Variants in GINS3 observed in about 807,000 individuals in gnomAD.
The protein encoded by GINS3 is GINS complex subunit 3.
A neutral mutation model predicts 20.0 loss-of-function variants in GINS3; 18 were observed. The observed-to-expected ratio is 0.90, with a 90% CI of 0.62 to 1.33. The LOEUF is 1.33. GINS3 is among the 40% of genes most tolerant of loss of function. GINS3 has a pLI of 0.00. For missense variants in GINS3, 254 were observed against 273.6 expected (o/e 0.93, Z 0.51); for synonymous variants, 109 against 107.0 (o/e 1.02, Z -0.12).
chr16:58,397,914 T>C (rs1460773009), intron 1 of GINS3, among the ~76,000 whole-genome samples: 2 of 152,188 alleles, frequency 1.3e-5, no homozygotes. Flanking sequence ...ATCTTTTTAA[T>C]GTCAGTAGGA....
intron 1 of GINS3, among the ~76,000 whole-genome samples, chr16:58,401,011 C>A (rs1965946914): frequency 6.6e-6 from 1 of 151,950 alleles, no homozygotes; most frequent in Non-Finnish European, 1.5e-5. Flanking sequence ...AACGGGGTTT[C>A]ACCATGTTGG....
chr16:58,405,040 C>G lies in GINS3; in HGVS notation c.*311C>G, dbSNP rs1479182408. 1 of 281,414 alleles carries G rather than the reference C, an allele frequency of 3.6e-6. No individual in the cohort carries two copies. The highest frequency in any genetic ancestry group is 2.2e-5 in the African/African-American group (1 of 45,986). The allele number at this position is 281,414 out of a possible 1,614,324, so 17.4% of individuals were successfully genotyped here. A position where few individuals can be genotyped will look rare whatever the true frequency, so the allele number is the denominator to read the frequency against. On this transcript the variant is annotated 3_prime_UTR_variant, in exon 3 of 3. Transcript: ENST00000318129. ...CATATAATATATCACAGTAGAGTTG[C>G]AACTGAGATTCCTTGTGTCTGGGAG...
chr16:58,399,117 C>T (rs1392613445), intron 1 of GINS3, among the ~76,000 whole-genome samples: 1 of 151,660 alleles, frequency 6.6e-6, no homozygotes, highest in Non-Finnish European at 1.5e-5. Context: ...AGTTTGAGAT[C>T]AGCCTAAGCA....
intron 1 of GINS3, among the ~76,000 whole-genome samples, chr16:58,394,180 A>G (rs898343673): frequency 6.6e-6 from 1 of 151,970 alleles, no homozygotes; most frequent in Non-Finnish European, 1.5e-5. Context: ...AGGATACCAC[A>G]CTGCATTTAG....
chr16:58,403,385 A>T, intron 2 of GINS3, 54 bp downstream of exon 2: 1 of 1,370,936 alleles, frequency 7.3e-7, no homozygotes, highest in African/African-American at 1.4e-5. Context: ...AGAGCCAGCC[A>T]CAGATACTAC....
At chr16:58,400,232 G>A (rs1397908312) in intron 1 of GINS3, among the ~76,000 whole-genome samples, 1 of 152,204 alleles carries the variant, frequency 6.6e-6, no homozygotes, top group African/African-American at 2.4e-5. Context: ...AATTAGCAGA[G>A]GGAAAGGTTG....
chr16:58,396,672 C>T (rs1354882475), intron 1 of GINS3, among the ~76,000 whole-genome samples: 7 of 118,862 alleles, frequency 5.9e-5, no homozygotes, highest in Admixed American at 1.5e-4. Context: ...GGGCTGACCC[C>T]CCGACCTCCC....
chr16:58,404,117 T>G (rs775884077), intron 2 of GINS3: 7 of 192,088 alleles, frequency 3.6e-5, no homozygotes, highest in Non-Finnish European at 6.5e-5. Context: ...TTTTTCATAA[T>G]TACTTTTTTA....
At chr16:58,396,258 G>T (rs1251606065) in intron 1 of GINS3, among the ~76,000 whole-genome samples, 31 of 126,718 alleles carry the variant, frequency 2.4e-4, no homozygotes, top group Admixed American at 3.0e-4. Context: ...CTGGCCGGGT[G>T]GGGGGCTGAC....
intron 1 of GINS3, among the ~76,000 whole-genome samples, chr16:58,396,372 C>A (rs1252278775): frequency 8.3e-5 from 10 of 120,692 alleles, no homozygotes; most frequent in African/African-American, 2.8e-4. Flanking sequence ...CCGGATGGGG[C>A]GGCTGGCCGG....
intron 1 of GINS3, among the ~76,000 whole-genome samples, chr16:58,402,288 G>A (rs749987287): frequency 4.6e-5 from 7 of 151,986 alleles, no homozygotes; most frequent in Non-Finnish European, 8.8e-5. Context: ...TCTGCTATTC[G>A]GTGTCAAATA....
rs1966020853 is a variant in GINS3, at chr16:58,405,456, C to G, written c.*727C>G. ...ATTGCCTCGGAGAGCCTAAGAGCAC[C>G]CGCACACTTAATTCTACTCCCTGTC... On this transcript the variant is annotated 3_prime_UTR_variant, in exon 3 of 3. Coordinates refer to ENST00000318129, the MANE Select transcript of GINS3 (RefSeq NM_022770.4). 6.6e-6 allele frequency: 1 copy of G among 152,192 alleles called. No homozygotes were observed. The highest frequency in any genetic ancestry group is 2.4e-5 in the African/African-American group (1 of 41,424). 9.4% of individuals were successfully genotyped at this position (152,192 alleles called of 1,614,324 possible). A position where few individuals can be genotyped will look rare whatever the true frequency, so the allele number is the denominator to read the frequency against.
At chr16:58,395,331 A>G (rs1446829100) in intron 1 of GINS3, 2 of 173,026 alleles carry the variant, frequency 1.2e-5, no homozygotes, top group African/African-American at 6.5e-5. Flanking sequence ...GTATATATAT[A>G]TATATATTTT....
At chr16:58,402,571 G>C (rs1022701503) in intron 1 of GINS3, among the ~76,000 whole-genome samples, 1 of 152,016 alleles carries the variant, frequency 6.6e-6, no homozygotes, top group Non-Finnish European at 1.5e-5. Flanking sequence ...ACCTCATCTT[G>C]TTTTCTAATT....
chr16:58,400,342 C>G (rs1488209736), intron 1 of GINS3, among the ~76,000 whole-genome samples: 1 of 152,210 alleles, frequency 6.6e-6, no homozygotes, highest in African/African-American at 2.4e-5. Context: ...AATTTGAATT[C>G]TGATAAAATG....
chr16:58,395,095 G>C (rs998034281), intron 1 of GINS3: 7 of 290,170 alleles, frequency 2.4e-5, no homozygotes, highest in Admixed American at 7.4e-5. Flanking sequence ...TTTTTTTTTT[G>C]AGACAGGGTT....
rs959734097 is a variant in GINS3, at chr16:58,405,937, T to A, written c.*1208T>A. The stretch of plus-strand genomic sequence containing the variant: ...AAACTTAGGCTGTCTTGATGCAAAC[T>A]TAGAACCACAGAAATGCTTTTAAAA... On this transcript the variant is annotated 3_prime_UTR_variant, in exon 3 of 3. Coordinates refer to ENST00000318129, the MANE Select transcript of GINS3 (RefSeq NM_022770.4). The A allele has an allele frequency of 1.3e-5, 2 of 152,210 alleles. No individual in the cohort carries two copies. Among genetic ancestry groups the A allele is most frequent in the African/African-American group, 4.8e-5 (2 of 41,446 alleles). The allele number at this position is 152,210 out of a possible 1,614,324, so 9.4% of individuals were successfully genotyped here.
intron 1 of GINS3, among the ~76,000 whole-genome samples, chr16:58,395,557 ATC>A (rs1335972521): frequency 6.6e-6 from 1 of 152,060 alleles, no homozygotes; most frequent in Non-Finnish European, 1.5e-5. Context: ...GCCTTCAAGC[ATC>A]TGTTTAACAA....
chr16:58,396,169 GC>G (rs1965853886), intron 1 of GINS3, among the ~76,000 whole-genome samples: 1 of 135,266 alleles, frequency 7.4e-6, no homozygotes, highest in Non-Finnish European at 1.6e-5. Flanking sequence ...GGACGGGGCG[GC>G]TGGCCGGGCA....
Sources: allele counts gnomAD v4.1 joint callset (sites outside exome capture counted in the v4.1 genomes callset), GRCh38; gene constraint gnomAD v4.1.1; transcripts MANE v1.5; gene names NCBI Gene and HGNC (gene_info 2026-07-23, HGNC 2026-07-21).